AUTS2: variants seen among roughly 807,000 people sequenced by gnomAD.
The protein encoded by AUTS2 is autism susceptibility gene 2 protein.
In AUTS2, 17 loss-of-function variants were observed where a neutral mutation model predicts 112.4. That is an observed-to-expected ratio of 0.15 (90% CI 0.10 to 0.23). The LOEUF is 0.23. Among genes scored for constraint, AUTS2 ranks in the 10% least tolerant of loss-of-function variants. The pLI is 1.00. For synonymous variants in AUTS2, 751 were observed against 702.7 expected (o/e 1.07, Z -1.09); for missense variants, 1,510 against 1,701.6 (o/e 0.89, Z 1.98).
intron 1 of AUTS2, among the ~76,000 whole-genome samples, chr7:69,609,384 G>C (rs1712529596): frequency 6.6e-6 from 1 of 152,162 alleles, no homozygotes; most frequent in Non-Finnish European, 1.5e-5. Flanking sequence ...CTCTCTCCCA[G>C]TGTATCACCC....
At chr7:69,780,492 C>T (rs950021978) in intron 1 of AUTS2, among the ~76,000 whole-genome samples, 3 of 152,178 alleles carry the variant, frequency 2.0e-5, no homozygotes, top group Admixed American at 2.0e-4. Flanking sequence ...GATGATGTAA[C>T]TGTGGTCTAA....
intron 5 of AUTS2, among the ~76,000 whole-genome samples, chr7:70,580,457 G>C (rs67463976): frequency 0.41 from 61,870 of 151,994 alleles, 13,114 homozygotes; most frequent in East Asian, 0.68. Context: ...AAAGAGGGCA[G>C]TCTCTAGTAG....
intron 5 of AUTS2, among the ~76,000 whole-genome samples, chr7:70,670,737 A>G (rs1249092129): frequency 6.6e-6 from 1 of 152,198 alleles, no homozygotes; most frequent in Non-Finnish European, 1.5e-5. Flanking sequence ...AGGATAAAAG[A>G]ATAAACAACC....
chr7:70,605,808 A>G (rs1393842092), intron 5 of AUTS2, among the ~76,000 whole-genome samples: 1 of 152,198 alleles, frequency 6.6e-6, no homozygotes, highest in Non-Finnish European at 1.5e-5. Context: ...GTATGTTCAA[A>G]GGACAAAGAG....
At chr7:69,608,989 C>G (rs951867110) in intron 1 of AUTS2, among the ~76,000 whole-genome samples, 3 of 152,150 alleles carry the variant, frequency 2.0e-5, no homozygotes, top group Non-Finnish European at 4.4e-5. Context: ...GCCTTTTGAT[C>G]CATTTTATTC....
chr7:69,927,613 C>T (rs73168761), intron 2 of AUTS2, among the ~76,000 whole-genome samples: 3,740 of 152,308 alleles, frequency 0.025, 62 homozygotes, highest in Non-Finnish European at 0.038. Context: ...TGCTACCAAC[C>T]TCGGTCCTAC....
intron 6 of AUTS2, among the ~76,000 whole-genome samples, chr7:70,703,640 A>G (rs938057077): frequency 1.3e-5 from 2 of 152,180 alleles, no homozygotes; most frequent in African/African-American, 4.8e-5. Context: ...CCATTTTACA[A>G]TTCCTCCTAG....
chr7:69,688,790 CTTGT>C, intron 1 of AUTS2, among the ~76,000 whole-genome samples: 1 of 152,246 alleles, frequency 6.6e-6, no homozygotes, highest in Middle Eastern at 3.4e-3. Context: ...CCCACACCCC[CTTGT>C]TTATTTCTTT....
chr7:70,408,987 A>C (rs1213610701), intron 4 of AUTS2, among the ~76,000 whole-genome samples: 1 of 152,204 alleles, frequency 6.6e-6, no homozygotes, highest in Admixed American at 6.5e-5. Context: ...TTATAAATCT[A>C]TCCAGGTTGG....
chr7:69,777,474 G>A (rs1788945139), intron 1 of AUTS2, among the ~76,000 whole-genome samples: 1 of 152,086 alleles, frequency 6.6e-6, no homozygotes, highest in South Asian at 2.1e-4. Context: ...AATTTCTTAA[G>A]CAGTTCCTGT....
At chr7:69,921,797 A>G (rs917213080) in intron 2 of AUTS2, among the ~76,000 whole-genome samples, 2 of 140,198 alleles carry the variant, frequency 1.4e-5, no homozygotes, top group Admixed American at 7.2e-5. Flanking sequence ...CGGGCATGGT[A>G]GGTCATGCCT....
intron 5 of AUTS2, among the ~76,000 whole-genome samples, chr7:70,667,158 T>G (rs927023363): frequency 6.6e-6 from 1 of 152,162 alleles, no homozygotes; most frequent in African/African-American, 2.4e-5. Flanking sequence ...ACACTTGGCA[T>G]AAACATTAAA....
At chr7:70,500,812 C>G (rs1388417001) in intron 5 of AUTS2, among the ~76,000 whole-genome samples, 1 of 151,980 alleles carries the variant, frequency 6.6e-6, no homozygotes, top group Non-Finnish European at 1.5e-5. Flanking sequence ...ACTTCAGCCT[C>G]CCAGGTTCAA....
intron 2 of AUTS2, among the ~76,000 whole-genome samples, chr7:69,957,393 T>C (rs1797258589): frequency 6.6e-6 from 1 of 152,116 alleles, no homozygotes; most frequent in Admixed American, 6.5e-5. Flanking sequence ...CTTAGGTTTA[T>C]ATCCATGATT....
chr7:69,745,787 AT>A (rs1282182429), intron 1 of AUTS2, among the ~76,000 whole-genome samples: 2 of 152,100 alleles, frequency 1.3e-5, no homozygotes, highest in Non-Finnish European at 2.9e-5. Flanking sequence ...AAGAAACGGG[AT>A]TTTGAGTATT....
chr7:70,772,795 C>T (rs531726978), intron 11 of AUTS2, among the ~76,000 whole-genome samples: 33 of 152,338 alleles, frequency 2.2e-4, no homozygotes, highest in Admixed American at 6.5e-4. Context: ...TTAAACACCT[C>T]CTGTCTGGAG....
chr7:70,325,973 CAT>C (rs1190606263), intron 4 of AUTS2, among the ~76,000 whole-genome samples: 1 of 152,200 alleles, frequency 6.6e-6, no homozygotes, highest in African/African-American at 2.4e-5. Flanking sequence ...TCATTTTGCA[CAT>C]GTTTTGTGTT....
intron 2 of AUTS2, among the ~76,000 whole-genome samples, chr7:69,981,917 C>T (rs1268464951): frequency 2.0e-5 from 3 of 152,094 alleles, no homozygotes; most frequent in Non-Finnish European, 4.4e-5. Context: ...TGCATTTGTG[C>T]TTATCTTCTC....
intron 4 of AUTS2, among the ~76,000 whole-genome samples, chr7:70,357,843 G>C (rs549000669): frequency 6.6e-6 from 1 of 152,292 alleles, no homozygotes; most frequent in South Asian, 2.1e-4. Flanking sequence ...TGTGTGTTAT[G>C]CATCGTCATT....
Sources: gnomAD v4.1 joint callset for allele counts (sites outside exome capture counted in the v4.1 genomes callset) on GRCh38, gnomAD v4.1.1 for gene constraint, MANE v1.5 for transcripts, NCBI Gene and HGNC (gene_info 2026-07-23, HGNC 2026-07-21) for gene names.